The following RERE variants were observed in gnomAD, a reference collection of about 807,000 sequenced individuals.
The protein encoded by RERE is arginine-glutamic acid dipeptide repeats, also known as arginine-glutamic acid dipeptide repeats protein.
RERE carries 40 observed loss-of-function variants against 146.1 expected under a neutral mutation model. The ratio of observed to expected loss-of-function variants is 0.27; its 90% CI spans 0.21 to 0.36. RERE has a LOEUF of 0.36. RERE is among the 10% of genes least tolerant of loss of function. The pLI, the probability that RERE is intolerant of heterozygous loss-of-function variation, is 1.00. For synonymous variants in RERE, 1,003 were observed against 866.0 expected (o/e 1.16, Z -2.78); for missense variants, 1,933 against 2,138.7 (o/e 0.90, Z 1.90).
At chr1:8,703,751 C>G (rs1055361962) in intron 1 of RERE, among the ~76,000 whole-genome samples, 6 of 152,188 alleles carry the variant, frequency 3.9e-5, no homozygotes, top group Non-Finnish European at 7.4e-5. Context: ...CTGCTTCTGC[C>G]AGGAATATTA....
Position 8,361,834 on chromosome 1 carries a change from G to A in RERE, c.1945C>T (p.Arg649Cys), listed in dbSNP as rs889179696. 3.1e-6 allele frequency: 5 copies of A among 1,614,052 alleles called. No homozygotes were observed. Among genetic ancestry groups the A allele is most frequent in the Non-Finnish European group, 4.2e-6 (5 of 1,179,920 alleles). Reference protein sequence around the residue: ...EASSPLKSNKRQREKVASDTE... With the variant: ...EASSPLKSNKCQREKVASDTE... ...TCAGAGGCCACCTTCTCCCGCTGGC[G>A]TTTGTTACTCTTAAGAGGGGAAGAG... Residue 649 changes from arginine (R) to cysteine (C), a missense_variant, in exon 17 of 23, where the codon CGC (arginine) becomes TGC (cysteine). Physicochemically the swap from Arg to Cys is radical, Grantham distance 180. Transcript: ENST00000400908.
chr1:8,387,286 T>C (rs1045558345), intron 12 of RERE, among the ~76,000 whole-genome samples: 1 of 152,166 alleles, frequency 6.6e-6, no homozygotes, highest in Non-Finnish European at 1.5e-5. Context: ...AACAAGTAAA[T>C]CTGGTCTCTT....
chr1:8,710,858 C>T (rs142167256), intron 1 of RERE, among the ~76,000 whole-genome samples: 9 of 152,064 alleles, frequency 5.9e-5, no homozygotes, highest in Non-Finnish European at 8.8e-5. Flanking sequence ...GGCGGAGTAG[C>T]TTACACCTGT....
At chr1:8,355,228 C>CGCA (rs1380787617) in intron 22 of RERE, 108 bp from the exon 23 acceptor site, 1 of 1,275,200 alleles carries the variant, frequency 7.8e-7, no homozygotes, top group Non-Finnish European at 1.1e-6. Flanking sequence ...ACCCCAAGCC[C>CGCA]GCAGCCTCCT....
chr1:8,632,556 CTCAT>C (rs1409223309), intron 2 of RERE, among the ~76,000 whole-genome samples: 1 of 152,188 alleles, frequency 6.6e-6, no homozygotes, highest in Admixed American at 6.5e-5. Flanking sequence ...TCTATTTAAA[CTCAT>C]TCAAGCCTGG....
intron 6 of RERE, among the ~76,000 whole-genome samples, chr1:8,547,122 G>T (rs1053259996): frequency 1.3e-5 from 2 of 149,200 alleles, no homozygotes; most frequent in African/African-American, 2.5e-5. Context: ...GCTTCACATG[G>T]AAAAACAAAT....
At chr1:8,373,707 A>G (rs1421310384) in intron 12 of RERE, among the ~76,000 whole-genome samples, 1 of 152,138 alleles carries the variant, frequency 6.6e-6, no homozygotes, top group Non-Finnish European at 1.5e-5. Flanking sequence ...AGTCAGGAAC[A>G]TTTCCTGGCA....
chr1:8,503,677 TAAG>T (rs938943194), intron 8 of RERE, among the ~76,000 whole-genome samples: 1 of 152,128 alleles, frequency 6.6e-6, no homozygotes, highest in Non-Finnish European at 1.5e-5. Flanking sequence ...GGAATGAAAA[TAAG>T]AAGCTTAAAT....
chr1:8,447,543 C>T (rs1400033631), intron 11 of RERE, among the ~76,000 whole-genome samples: 5 of 152,174 alleles, frequency 3.3e-5, no homozygotes, highest in Non-Finnish European at 7.3e-5. Flanking sequence ...TTCCTTCTAA[C>T]AGTCAGGCCC....
At chr1:8,578,565 T>C (rs1646324785) in intron 4 of RERE, among the ~76,000 whole-genome samples, 1 of 152,162 alleles carries the variant, frequency 6.6e-6, no homozygotes, top group African/African-American at 2.4e-5. Flanking sequence ...ATTTATATTA[T>C]ATAGTTCACT....
chr1:8,441,379 C>T (rs560374912), intron 11 of RERE, among the ~76,000 whole-genome samples: 3 of 152,252 alleles, frequency 2.0e-5, no homozygotes, highest in African/African-American at 7.2e-5. Context: ...CCCACCACTG[C>T]CCCCCTCTCA....
At chr1:8,694,093 C>T (rs1639268755) in intron 1 of RERE, among the ~76,000 whole-genome samples, 1 of 149,972 alleles carries the variant, frequency 6.7e-6, no homozygotes, top group African/African-American at 2.4e-5. Flanking sequence ...TTTAGTTCTC[C>T]TTTTCCATTC....
chr1:8,597,798 A>C (rs550720472), intron 4 of RERE, among the ~76,000 whole-genome samples: 1,929 of 151,254 alleles, frequency 0.013, 30 homozygotes, highest in Non-Finnish European at 0.022. Flanking sequence ...TTTTTTTTTT[A>C]ATGATCAATC....
chr1:8,390,145 G>A (rs1007804363), intron 12 of RERE, among the ~76,000 whole-genome samples: 1 of 152,168 alleles, frequency 6.6e-6, no homozygotes, highest in African/African-American at 2.4e-5. Context: ...GTGACCTGAA[G>A]CAGAGCCATG....
rs372623770 is a variant in RERE at position 8,358,646 on chromosome 1, G to A, written c.3889C>T (p.Pro1297Ser). ...CGGAGCTCCCGCTCGCGGATGGTGG[G>A]GTCGACGTTGTAGAGGCCAGGCATG... ...YHMPGLYNVD[P>S]TIRERELRER... The change falls in exon 20 of 23, where the codon CCC becomes TCC. Residue 1297 changes from proline (P) to serine (S), a missense_variant. Physicochemically the swap from Pro to Ser is moderately conservative, Grantham distance 74. Transcript: ENST00000400908. 1.9e-5 allele frequency: 30 copies of A among 1,585,498 alleles called. No individual in the cohort carries two copies. The African/African-American group carries it at 3.5e-4, about 18-fold the overall frequency.
intron 4 of RERE, among the ~76,000 whole-genome samples, chr1:8,591,620 T>C (rs374843432): frequency 3.9e-5 from 6 of 152,134 alleles, no homozygotes; most frequent in East Asian, 1.9e-4. Flanking sequence ...CAGGAAGCAG[T>C]TGCCTCCTGG....
At chr1:8,744,933 G>A (rs1302040140) in intron 1 of RERE, among the ~76,000 whole-genome samples, 4 of 152,146 alleles carry the variant, frequency 2.6e-5, no homozygotes, top group Non-Finnish European at 4.4e-5. Context: ...ATTTTCCCAT[G>A]ACATACGTGG....
chr1:8,388,053 A>G (rs1642744193), intron 12 of RERE, among the ~76,000 whole-genome samples: 1 of 152,234 alleles, frequency 6.6e-6, no homozygotes, highest in South Asian at 2.1e-4. Flanking sequence ...CTATTCATAC[A>G]AGGCTGTGAA....
rs188105189 is a variant in RERE, at chr1:8,785,387, C to T, written c.-145+31773G>A. 1.3e-3 allele frequency among the ~76,000 whole-genome samples: 204 copies of T among 152,334 alleles called. 1 individual carries two copies. The highest frequency in any genetic ancestry group is 2.3e-3 in the Non-Finnish European group (159 of 68,030). ...GAATTCAGCATATTACTTATCCAAG[C>T]ATACATTCTTCAGACATATCTTTTA... On this transcript the variant is annotated intron_variant, in intron 1 of 22. Coordinates refer to ENST00000400908, the MANE Select transcript of RERE (RefSeq NM_001042681.2).
Sources: gnomAD v4.1 joint callset for allele counts (sites outside exome capture counted in the v4.1 genomes callset) on GRCh38, gnomAD v4.1.1 for gene constraint, MANE v1.5 for transcripts, NCBI Gene and HGNC (gene_info 2026-07-23, HGNC 2026-07-21) for gene names.